Variants in POTEJ observed in about 807,000 individuals in gnomAD.
POTEJ encodes POTE ankyrin domain family member J.
Under a neutral mutation model 69.0 loss-of-function variants are expected in POTEJ, and 11 were observed. That is an observed-to-expected ratio of 0.16 (90% CI 0.10 to 0.26). The LOEUF is 0.26. POTEJ is among the 10% of genes least tolerant of loss of function. The pLI, the probability that POTEJ is intolerant of heterozygous loss-of-function variation, is 1.00. For synonymous variants in POTEJ, 117 were observed against 381.1 expected, an observed-to-expected ratio of 0.31 and a Z score of 8.07; for missense variants, 327 against 1,045.5, an observed-to-expected ratio of 0.31 and a Z score of 9.48.
At chr2:130,649,362 T>A (rs1279763005) in intron 13 of POTEJ, among the ~76,000 whole-genome samples, 40 of 152,370 alleles carry the variant, frequency 2.6e-4, no homozygotes, top group African/African-American at 9.6e-4. Flanking sequence ...TCTTGACTGA[T>A]CTTTCTCTCT....
intron 1 of POTEJ, among the ~76,000 whole-genome samples, chr2:130,613,313 CAT>C (rs1491312082): frequency 4.7e-4 from 36 of 76,830 alleles, no homozygotes; most frequent in African/African-American, 6.2e-4. Context: ...TGTATATATA[CAT>C]ATATATACAT....
At chr2:130,611,308 G>C (rs1397007807), upstream of POTEJ, among the ~76,000 whole-genome samples, 1 of 142,518 alleles carries the variant, frequency 7.0e-6, no homozygotes, top group Non-Finnish European at 1.5e-5. Context: ...TTGGGGGGGG[G>C]GGGGTTGGCC....
chr2:130,613,112 G>C (rs1202868071), intron 1 of POTEJ, among the ~76,000 whole-genome samples: 1 of 139,804 alleles, frequency 7.2e-6, no homozygotes, highest in South Asian at 2.2e-4. Flanking sequence ...TTCATTTTTG[G>C]AGAAAACTAG....
At chr2:130,649,510 T>C (rs1232440498) in intron 13 of POTEJ, among the ~76,000 whole-genome samples, 1 of 151,370 alleles carries the variant, frequency 6.6e-6, no homozygotes, top group Non-Finnish European at 1.5e-5. Flanking sequence ...TGAGAATTGA[T>C]AGTCCTGGTT....
chr2:130,644,295 C>G (rs1573992360), intron 11 of POTEJ, among the ~76,000 whole-genome samples: 1 of 144,690 alleles, frequency 6.9e-6, no homozygotes, highest in Non-Finnish European at 1.5e-5. Context: ...ATGGTGAAAC[C>G]CCGTCTCTAG....
chr2:130,618,866 C>T (rs1374298897), intron 3 of POTEJ, among the ~76,000 whole-genome samples: 7 of 123,704 alleles, frequency 5.7e-5, no homozygotes, highest in Admixed American at 4.2e-4. Flanking sequence ...ACTGCAGCCT[C>T]GACCTCTCCA....
Position 130,643,609 on chromosome 2 carries a change from G to A in POTEJ, c.1370-374G>A, listed in dbSNP as rs1334830404. ...TAGGAAGATGTTGTACACTAATAAA[G>A]GTGTCAGCAGTGATTTTGGAAATCA... On this transcript the variant is annotated intron_variant, in intron 10 of 14. Transcript: ENST00000409602. 2.1e-5 allele frequency among the ~76,000 whole-genome samples: 3 copies of A among 144,370 alleles called. 1 individual carries two copies. The highest frequency in any genetic ancestry group is 1.9e-4 in the East Asian group (1 of 5,158). 94.7% of individuals were successfully genotyped at this position (144,370 alleles called of 152,430 possible).
rs1686816428 is a variant in POTEJ at position 130,651,818 on chromosome 2, C to G, written c.1668-3103C>G. Reference sequence around the variant, plus strand: ...CTCATTAAAAAGTTGTTACAATTTTCTGCTGGCAAATCTAGCTTTTTCTAT... The same window carrying G: ...CTCATTAAAAAGTTGTTACAATTTTGTGCTGGCAAATCTAGCTTTTTCTAT... On this transcript the variant is annotated intron_variant, in intron 13 of 14. Coordinates refer to ENST00000409602, the MANE Select transcript of POTEJ (RefSeq NM_001277083.2). Among the ~76,000 whole-genome samples, 2 of 145,524 alleles carry G rather than the reference C, an allele frequency of 1.4e-5. 1 individual carries two copies. The highest frequency in any genetic ancestry group is 3.0e-5 in the Non-Finnish European group (2 of 65,648).
chr2:130,640,476 A>C (rs1160417835), intron 10 of POTEJ, among the ~76,000 whole-genome samples: 1 of 151,162 alleles, frequency 6.6e-6, no homozygotes. Context: ...AAACAGTAGG[A>C]ACCAGAGTTG....
At chr2:130,632,932 G>A (rs1685959391) in intron 9 of POTEJ, among the ~76,000 whole-genome samples, 1 of 147,078 alleles carries the variant, frequency 6.8e-6, no homozygotes, top group Non-Finnish European at 1.5e-5. Flanking sequence ...CATGTGCAGG[G>A]TTATTATATA....
At chr2:130,625,677 G>C in intron 6 of POTEJ, among the ~76,000 whole-genome samples, 1 of 145,474 alleles carries the variant, frequency 6.9e-6, no homozygotes, top group East Asian at 1.9e-4. Context: ...AGAGCAGCAA[G>C]TGCAAAAGAC....
At chr2:130,645,841 A>C in intron 12 of POTEJ, 60 bp downstream of exon 12, 1 of 309,192 alleles carries the variant, frequency 3.2e-6, no homozygotes. Flanking sequence ...GTTGTTTAAC[A>C]AAGTGTAGTA....
intron 11 of POTEJ, among the ~76,000 whole-genome samples, 185 bp downstream of exon 11, chr2:130,644,238 A>C (rs1414713339): frequency 7.1e-6 from 1 of 141,380 alleles, no homozygotes; most frequent in African/African-American, 2.6e-5. Context: ...TGAGAGGCTG[A>C]GGCAGGTGGA....
intron 4 of POTEJ, among the ~76,000 whole-genome samples, chr2:130,620,394 T>C (rs1197611135): frequency 7.3e-6 from 1 of 137,512 alleles, no homozygotes; most frequent in Non-Finnish European, 1.6e-5. Flanking sequence ...CATGATCTTA[T>C]GTTAGCTAAA....
intron 6 of POTEJ, among the ~76,000 whole-genome samples, chr2:130,626,769 G>A (rs1333607582): frequency 0.018 from 2,719 of 151,234 alleles, 1 homozygote; most frequent in African/African-American, 0.047. Flanking sequence ...GTTTTCACCC[G>A]TCCTTAGTGA....
intron 1 of POTEJ, among the ~76,000 whole-genome samples, chr2:130,612,543 G>C (rs1190714116): frequency 6.6e-6 from 1 of 152,278 alleles, no homozygotes; most frequent in Non-Finnish European, 1.5e-5. Flanking sequence ...GGCGGATCAC[G>C]AGGTCAGGAG....
intron 9 of POTEJ, among the ~76,000 whole-genome samples, chr2:130,634,791 T>A (rs1470834275): frequency 1.4e-5 from 2 of 140,514 alleles, no homozygotes; most frequent in African/African-American, 2.7e-5. Flanking sequence ...CTAAGCATGA[T>A]GTCCTTAAAA....
Position 130,622,424 on chromosome 2 carries a change from G to T in POTEJ, c.944+821G>T, listed in dbSNP as rs1389730535. Among the ~76,000 whole-genome samples, 5 of 87,142 alleles carry T rather than the reference G, an allele frequency of 5.7e-5. No individual in the cohort carries two copies. The South Asian group carries it at 1.6e-3, about 29-fold the overall frequency. The allele number at this position is 87,142 out of a possible 152,430, so 57.2% of individuals were successfully genotyped here. ...TGGTAAGAGATCCTTTGAGGCTGTT[G>T]TTGGTCTTTTCTCTAGCAGATATTA... is the stretch of plus-strand genomic sequence containing the variant. On this transcript the variant is annotated intron_variant, in intron 5 of 14. Transcript: ENST00000409602.
chr2:130,623,093 C>G (rs1430360759), intron 5 of POTEJ: 11 of 138,952 alleles, frequency 7.9e-5, no homozygotes, highest in East Asian at 2.0e-4. Flanking sequence ...ATGACTTAGA[C>G]CTGAATAACA....
Sources: gnomAD v4.1 joint callset for allele counts (sites outside exome capture counted in the v4.1 genomes callset) on GRCh38, gnomAD v4.1.1 for gene constraint, MANE v1.5 for transcripts, NCBI Gene and HGNC (gene_info 2026-07-23, HGNC 2026-07-21) for gene names.